Variants in JHY observed in about 807,000 individuals in gnomAD.
JHY encodes junctional cadherin complex regulator, also known as jhy protein homolog.
JHY carries 69 observed loss-of-function variants against 78.0 expected under a neutral mutation model. That is an observed-to-expected ratio of 0.88 (90% confidence interval 0.73 to 1.08). The LOEUF is 1.08. JHY is among the 50% of genes least tolerant of loss of function. The probability of loss-of-function intolerance (pLI) is 0.00; values close to 1 mark genes in which losing one functional copy is unlikely to be tolerated. For synonymous variants in JHY, 368 were observed against 342.6 expected (o/e 1.07, Z -0.82); for missense variants, 944 against 927.8 (o/e 1.02, Z -0.23).
chr11:122,944,850 T>C (rs1030008540), intron 5 of JHY, among the ~76,000 whole-genome samples: 1 of 152,202 alleles, frequency 6.6e-6, no homozygotes, highest in Admixed American at 6.5e-5. Flanking sequence ...TTGAAAAGTC[T>C]TTTGTCAATA....
chr11:122,957,345 C>T lies in JHY; in HGVS notation c.2011-18C>T. The T allele has an allele frequency of 6.6e-7, 1 of 1,512,318 alleles. No homozygotes were observed. Among genetic ancestry groups the T allele is most frequent in the Non-Finnish European group, 8.7e-7 (1 of 1,143,024 alleles). 93.7% of individuals were successfully genotyped at this position (1,512,318 alleles called of 1,614,324 possible). On this transcript the variant is annotated intron_variant, in intron 7 of 8. Coordinates refer to ENST00000227349, the MANE Select transcript of JHY (RefSeq NM_024806.4). ...CTAGCAGCACCTGGATTCATCATAA[C>T]TTTGTTTCTCTGAACAGACGCAAAA...
At chr11:122,946,408 C>A (rs1352289669) in intron 5 of JHY, 90 bp from the exon 6 acceptor site, 1 of 1,347,498 alleles carries the variant, frequency 7.4e-7, no homozygotes, top group East Asian at 2.4e-5. Context: ...ATAAATACAT[C>A]AAATTAATGG....
Position 122,959,616 on chromosome 11 carries a change from C to T in JHY, c.*171C>T, listed in dbSNP as rs1471231956. 2.5e-5 allele frequency: 15 copies of T among 605,450 alleles called. No homozygotes were observed. The highest frequency in any genetic ancestry group is 3.9e-5 in the Non-Finnish European group (14 of 363,010). The allele number at this position is 605,450 out of a possible 1,614,324, so 37.5% of individuals were successfully genotyped here. ...TATGAGGCCCAATTGGATTATGGTG[C>T]CATATTTTACTTTCTAGGAAGAAAA... is the stretch of plus-strand genomic sequence containing the variant. On this transcript the variant is annotated 3_prime_UTR_variant, in exon 9 of 9. Transcript: ENST00000227349.
intron 3 of JHY, among the ~76,000 whole-genome samples, chr11:122,906,327 C>T (rs1443219790): frequency 2.0e-5 from 3 of 152,056 alleles, no homozygotes; most frequent in African/African-American, 7.2e-5. Flanking sequence ...TAGCTGGGAA[C>T]ACAGGCATGC....
intron 4 of JHY, among the ~76,000 whole-genome samples, chr11:122,932,151 C>G (rs1427373866): frequency 6.6e-6 from 1 of 152,162 alleles, no homozygotes; most frequent in East Asian, 1.9e-4. Context: ...GTCTTGCCAC[C>G]TAAAGAGTGA....
chr11:122,922,242 A>G (rs551928055), intron 3 of JHY, among the ~76,000 whole-genome samples: 1 of 152,354 alleles, frequency 6.6e-6, no homozygotes, highest in Admixed American at 6.5e-5. Flanking sequence ...TCAACCTTTA[A>G]GTATTCAAAC....
intron 3 of JHY, among the ~76,000 whole-genome samples, chr11:122,916,230 G>T (rs1401883420): frequency 1.3e-5 from 2 of 151,874 alleles, no homozygotes; most frequent in African/African-American, 4.8e-5. Context: ...TCGAGGTGAT[G>T]GATACCCCAC....
chr11:122,928,581 A>G (rs1863565668), intron 4 of JHY, among the ~76,000 whole-genome samples: 1 of 151,612 alleles, frequency 6.6e-6, no homozygotes, highest in Non-Finnish European at 1.5e-5. Context: ...GCAAACAAAC[A>G]ACAACAAAAA....
At chr11:122,939,573 T>C (rs1303398608) in intron 5 of JHY, among the ~76,000 whole-genome samples, 5 of 152,220 alleles carry the variant, frequency 3.3e-5, no homozygotes, top group Non-Finnish European at 7.3e-5. Context: ...TCTCTTTATA[T>C]ATAATTTTGA....
At chr11:122,956,467 A>G (rs373308360) in intron 6 of JHY, 29 bp from the exon 7 acceptor site, 33 of 1,609,522 alleles carry the variant, frequency 2.1e-5, no homozygotes, top group Non-Finnish European at 2.7e-5. Flanking sequence ...AGTCCTTAAA[A>G]GAAACTGTTT....
intron 3 of JHY, among the ~76,000 whole-genome samples, chr11:122,922,294 C>T (rs1167409725): frequency 6.6e-6 from 1 of 152,098 alleles, no homozygotes; most frequent in African/African-American, 2.4e-5. Flanking sequence ...TATATAAGTA[C>T]AGTAATTGTG....
chr11:122,957,957 CT>C (rs1419665947), intron 8 of JHY, among the ~76,000 whole-genome samples: 17 of 152,136 alleles, frequency 1.1e-4, no homozygotes, highest in Non-Finnish European at 2.2e-4. Context: ...AATGAGCAAG[CT>C]TCATCATCAA....
chr11:122,931,608 A>G (rs915508155), intron 4 of JHY, among the ~76,000 whole-genome samples: 1 of 152,170 alleles, frequency 6.6e-6, no homozygotes, highest in African/African-American at 2.4e-5. Flanking sequence ...ACACAGCAGA[A>G]AAGCAGAACA....
intron 2 of JHY, among the ~76,000 whole-genome samples, chr11:122,901,814 A>G (rs1158643119): frequency 6.6e-6 from 1 of 152,038 alleles, no homozygotes; most frequent in Admixed American, 6.6e-5. Flanking sequence ...CAGAGCTTGC[A>G]GTTAACCAAG....
intron 3 of JHY, among the ~76,000 whole-genome samples, chr11:122,908,668 G>A (rs768781649): frequency 8.5e-5 from 13 of 152,166 alleles, no homozygotes; most frequent in Non-Finnish European, 1.8e-4. Flanking sequence ...CGGGAAGCTT[G>A]GGTACCGAGT....
At chr11:122,921,374 C>G (rs1291328882) in intron 3 of JHY, among the ~76,000 whole-genome samples, 3 of 152,172 alleles carry the variant, frequency 2.0e-5, no homozygotes, top group African/African-American at 7.2e-5. Context: ...ATCCTCATGG[C>G]AGATCTATGA....
At position 122,946,804 on chromosome 11, in the gene JHY, G is replaced by A. The variant is rs140930159; in HGVS notation, c.1929+12G>A. 284 of 1,593,162 alleles carry A rather than the reference G, an allele frequency of 1.8e-4. 1 individual carries two copies. The highest frequency in any genetic ancestry group is 8.4e-4 in the Middle Eastern group (5 of 5,920). On this transcript the variant is annotated intron_variant, in intron 6 of 8. Transcript: ENST00000227349. ...GAAGCAGCAGTAAGGTAATAAAAGC[G>A]CCATTTTTACCAAGTAACTCTTCCA...
intron 5 of JHY, among the ~76,000 whole-genome samples, chr11:122,938,628 C>A (rs1182877761): frequency 1.3e-5 from 2 of 152,128 alleles, no homozygotes; most frequent in Non-Finnish European, 1.5e-5. Flanking sequence ...TTCTCTTCTC[C>A]TATTTTGCTG....
chr11:122,925,755 T>A (rs1316177986), intron 4 of JHY, among the ~76,000 whole-genome samples: 1 of 151,720 alleles, frequency 6.6e-6, no homozygotes, highest in Non-Finnish European at 1.5e-5. Context: ...CGTTGGCTCA[T>A]GCCTGTCATC....
Sources: allele counts gnomAD v4.1 joint callset (sites outside exome capture counted in the v4.1 genomes callset), GRCh38; gene constraint gnomAD v4.1.1; transcripts MANE v1.5; gene names NCBI Gene and HGNC (gene_info 2026-07-23, HGNC 2026-07-21).